SECISBP2: variants seen among roughly 807,000 people sequenced by gnomAD.
SECISBP2 encodes SECIS binding protein 2, also known as selenocysteine insertion sequence-binding protein 2.
Under a neutral mutation model 98.2 loss-of-function variants are expected in SECISBP2, and 96 were observed. That is an observed-to-expected ratio of 0.98 (90% CI 0.83 to 1.16). The LOEUF (loss-of-function observed/expected upper bound fraction) is 1.16. SECISBP2 is among the 50% of genes most tolerant of loss of function. SECISBP2 has a pLI of 0.00. For missense variants in SECISBP2, 1,046 were observed against 1,022.9 expected, an observed-to-expected ratio of 1.02 and a Z score of -0.31; for synonymous variants, 407 against 370.2, an observed-to-expected ratio of 1.10 and a Z score of -1.14.
At position 89,333,302 on chromosome 9, in the gene SECISBP2, T is replaced by C. The variant is rs79233554; in HGVS notation, c.880+316T>C. On this transcript the variant is annotated intron_variant, in intron 6 of 16. Coordinates refer to ENST00000375807, the MANE Select transcript of SECISBP2 (RefSeq NM_024077.5). ...AAAAGTTTTTGAGACCTTTAAAGAT[T>C]GAGAACCCCAAAGAGCTCTTGTTTA... Among the ~76,000 whole-genome samples, 73 of 152,356 alleles carry C rather than the reference T, an allele frequency of 4.8e-4. 3 individuals are homozygous for C. In the East Asian group the frequency reaches 0.013, roughly 28 times the overall value.
At chr9:89,347,094 C>A in intron 11 of SECISBP2, 46 bp downstream of exon 11, 3 of 1,582,056 alleles carry the variant, frequency 1.9e-6, no homozygotes, top group South Asian at 1.1e-5. Flanking sequence ...AAAACTTAGT[C>A]TCACATTTCC....
chr9:89,354,814 C>T, intron 14 of SECISBP2: 1 of 985,396 alleles, frequency 1.0e-6, no homozygotes, highest in Non-Finnish European at 1.2e-6. Context: ...GGGTGGACAC[C>T]AGGCAGAGAC....
intron 10 of SECISBP2, among the ~76,000 whole-genome samples, chr9:89,342,336 G>A (rs1035203549): frequency 6.6e-6 from 1 of 152,076 alleles, no homozygotes; most frequent in African/African-American, 2.4e-5. Flanking sequence ...CTGCCGGTGG[G>A]AATGTAAAAT....
rs572855337 is a variant in SECISBP2, at chr9:89,334,713, A to C, written c.1072A>C (p.Ile358Leu). The C allele has an allele frequency of 4.3e-6, 7 of 1,613,224 alleles. No homozygotes were observed. In the South Asian group the frequency reaches 7.7e-5, roughly 18 times the overall value. ...TTCCTACAACAAAGAAAAACACATT[A>C]TTCATCCTACCCAAAAGGTACGTGT... ...DPSYNKEKHI[I>L]HPTQKSKASQ... The change falls in exon 7 of 17, where the codon ATT (isoleucine) becomes CTT (leucine). Residue 358 changes from isoleucine to leucine, a missense_variant. Transcript: ENST00000375807.
intron 14 of SECISBP2, among the ~76,000 whole-genome samples, chr9:89,354,448 CAAGTT>C (rs1831755166): frequency 6.6e-6 from 1 of 152,186 alleles, no homozygotes; most frequent in Non-Finnish European, 1.5e-5. Flanking sequence ...ATCCCAGAGA[CAAGTT>C]AAGAGCCCGT....
At chr9:89,334,752 AAGT>A in intron 7 of SECISBP2, 22 bp downstream of exon 7, 1 of 1,584,174 alleles carries the variant, frequency 6.3e-7, no homozygotes, top group Non-Finnish European at 8.6e-7. Context: ...TAGAGACAGA[AAGT>A]AGGATGGTGG....
At position 89,336,081 on chromosome 9, in the gene SECISBP2, C is replaced by CTTTTTTTTTTTTTTTT. The variant is rs59799418; in HGVS notation, c.1089+1363_1089+1378dup. On this transcript the variant is annotated intron_variant, in intron 7 of 16. Coordinates refer to ENST00000375807, the MANE Select transcript of SECISBP2 (RefSeq NM_024077.5). ...TTTTTCCCTTAAGTAATTTTAAGTG[C>CTTTTTTTTTTTTTTTT]TTTTTTTTTTTTTTTTTTTTTTTTT... 2.3e-3 allele frequency among the ~76,000 whole-genome samples: 77 copies of CTTTTTTTTTTTTTTTT among 33,060 alleles called. 14 individuals carry two copies. Among genetic ancestry groups the CTTTTTTTTTTTTTTTT allele is most frequent in the African/African-American group, 3.1e-3 (26 of 8,362 alleles). 21.7% of individuals were successfully genotyped at this position (33,060 alleles called of 152,430 possible).
downstream of SECISBP2, chr9:89,360,702 G>A (rs1314514588): frequency 6.6e-6 from 1 of 152,192 alleles, no homozygotes; most frequent in Non-Finnish European, 1.5e-5. Context: ...CACTGCTGCA[G>A]GTGACTTCAG....
At chr9:89,327,833 C>CA (rs1360871449) in intron 4 of SECISBP2, among the ~76,000 whole-genome samples, 1 of 143,924 alleles carries the variant, frequency 6.9e-6, no homozygotes, top group Non-Finnish European at 1.5e-5. Flanking sequence ...TTTTTTGAGA[C>CA]AGAGTCTCAC....
downstream of SECISBP2, among the ~76,000 whole-genome samples, chr9:89,363,273 C>G (rs28556830): frequency 0.022 from 3,352 of 152,270 alleles, 47 homozygotes; most frequent in Non-Finnish European, 0.029. Flanking sequence ...GATTTCCCCC[C>G]CCAGTGTTGC....
chr9:89,321,886 A>G lies in SECISBP2; in HGVS notation c.182+2089A>G, dbSNP rs144563142. On this transcript the variant is annotated intron_variant, in intron 2 of 16. Transcript: ENST00000375807. Reference sequence around the variant, plus strand: ...AGTTCTAATATAGATTAAAAATTGCATTGCCATAGTCAGATTACATGTAAA... The same window carrying G: ...AGTTCTAATATAGATTAAAAATTGCGTTGCCATAGTCAGATTACATGTAAA... Among the ~76,000 whole-genome samples the G allele has an allele frequency of 5.7e-3, 875 of 152,324 alleles. 18 individuals are homozygous for G. The highest frequency in any genetic ancestry group is 0.056 in the South Asian group (269 of 4,828).
At position 89,357,107 on chromosome 9, in the gene SECISBP2, C is replaced by A. The variant is rs1350470747; in HGVS notation, c.2114-304C>A. The A allele has an allele frequency of 7.2e-6, 3 of 418,628 alleles. No homozygotes were observed. The East Asian group carries it at 1.6e-4, about 22-fold the overall frequency. The allele number at this position is 418,628 out of a possible 1,614,324, so 25.9% of individuals were successfully genotyped here. A position where few individuals can be genotyped will look rare whatever the true frequency, so the allele number is the denominator to read the frequency against. On this transcript the variant is annotated intron_variant, in intron 14 of 16. Coordinates refer to ENST00000375807, the MANE Select transcript of SECISBP2 (RefSeq NM_024077.5). ...TGTGCATCTGTCAGTGAGGACACAG[C>A]ATCTGTCTGCCTTTTGGGATTTGGG...
chr9:89,358,312 T>A, intron 16 of SECISBP2, 121 bp downstream of exon 16: 1 of 1,018,388 alleles, frequency 9.8e-7, no homozygotes, highest in Non-Finnish European at 1.5e-6. Context: ...CAGGGCCTGG[T>A]AAGTCCAGCC....
At chr9:89,350,008 A>C (rs1325269860) in intron 13 of SECISBP2, 79 bp downstream of exon 13, 1 of 1,542,174 alleles carries the variant, frequency 6.5e-7, no homozygotes, top group African/African-American at 1.4e-5. Context: ...ATCTCCCATA[A>C]ATCCTTGTTG....
intron 12 of SECISBP2, 58 bp downstream of exon 12, chr9:89,348,272 A>G (rs1274440435): frequency 6.3e-6 from 10 of 1,599,964 alleles, no homozygotes; most frequent in Non-Finnish European, 8.6e-6. Context: ...TATGAAAAGG[A>G]TGAGCTATGC....
chr9:89,363,832 G>A (rs762874354), downstream of SECISBP2: 16 of 1,614,014 alleles, frequency 9.9e-6, no homozygotes, highest in South Asian at 2.2e-5. Context: ...CCCTGATGGC[G>A]TCCTGCAGCC....
intron 5 of SECISBP2, chr9:89,329,250 C>T: frequency 3.8e-6 from 1 of 259,954 alleles, no homozygotes; most frequent in Non-Finnish European, 7.5e-6. Context: ...GTAGCTGGGA[C>T]TACGGGCGCA....
At chr9:89,327,351 A>G (rs1826909079) in intron 4 of SECISBP2, among the ~76,000 whole-genome samples, 1 of 152,196 alleles carries the variant, frequency 6.6e-6, no homozygotes, top group Admixed American at 6.5e-5. Context: ...CATGAAATTT[A>G]TAAAAGTATT....
chr9:89,333,992 C>G (rs1436867384), intron 6 of SECISBP2: 1 of 1,025,358 alleles, frequency 9.8e-7, no homozygotes, highest in East Asian at 9.5e-5. Flanking sequence ...CTGCCTGTGT[C>G]CTGATAGATG....
Sources: allele counts gnomAD v4.1 joint callset (sites outside exome capture counted in the v4.1 genomes callset), GRCh38; gene constraint gnomAD v4.1.1; transcripts MANE v1.5; gene names NCBI Gene and HGNC (gene_info 2026-07-23, HGNC 2026-07-21).